Variants in GIT2 observed in about 807,000 individuals in gnomAD.
GIT2 encodes the protein ARF GTPase-activating protein GIT2.
In GIT2, 32 loss-of-function variants were observed where a neutral mutation model predicts 100.3. The observed-to-expected ratio is 0.32, with a 90% CI of 0.24 to 0.43. The LOEUF (loss-of-function observed/expected upper bound fraction) is 0.43, where lower values mean the gene tolerates loss of function less well. Among genes scored for constraint, GIT2 ranks in the 20% least tolerant of loss-of-function variants. GIT2 has a pLI of 1.00. For synonymous variants in GIT2, 353 were observed against 364.1 expected, an observed-to-expected ratio of 0.97 and a Z score of 0.35; for missense variants, 737 against 975.1, an observed-to-expected ratio of 0.76 and a Z score of 3.25.
Position 109,977,384 on chromosome 12 carries a change from A to T in GIT2, c.718+3568T>A, listed in dbSNP as rs535843176. On this transcript the variant is annotated intron_variant, in intron 7 of 19. Coordinates refer to ENST00000355312, the MANE Select transcript of GIT2 (RefSeq NM_057169.5). The stretch of plus-strand genomic sequence containing the variant: ...AAGTTATCTGGGCACAGTGGCACAC[A>T]CCTGTAGTCCCAGCTACTGTGGATG... 7.6e-4 allele frequency among the ~76,000 whole-genome samples: 115 copies of T among 152,104 alleles called. 1 individual carries two copies. The highest frequency in any genetic ancestry group is 1.2e-3 in the Non-Finnish European group (81 of 67,958).
Position 109,933,184 on chromosome 12 carries a change from T to G in GIT2, c.2074A>C (p.Lys692Gln). 1.3e-6 allele frequency: 2 copies of G among 1,548,024 alleles called. No homozygotes were observed. The highest frequency in any genetic ancestry group is 2.4e-5 in the South Asian group (2 of 84,900). ...AGGGAAGTCCTCACCATATCAGACT[T>G]GGGTTTCTAAAAGGAAAAAGACAGC... is the stretch of plus-strand genomic sequence containing the variant. ...EMAALFPKKP[K>Q]SDMVRTSLRL... The change falls in exon 20 of 20, where the codon AAG becomes CAG. Residue 692 changes from lysine to glutamine, a missense_variant. Lys to Gln is a moderately conservative substitution (Grantham distance 53). Around this residue, in one of 3 missense-constraint regions of GIT2, gnomAD observed 451 missense variants for 543.7 expected, o/e 0.83. Coordinates refer to ENST00000355312, the MANE Select transcript of GIT2 (RefSeq NM_057169.5). The surrounding 1 kb of genome is among the most constrained non-coding windows in gnomAD (Gnocchi z 4.5).
intron 16 of GIT2, chr12:109,939,485 T>C (rs1565935612): frequency 5.7e-6 from 2 of 350,090 alleles, no homozygotes; most frequent in South Asian, 2.7e-5. Context: ...ATCAGATCCT[T>C]AGTACAAACT....
At chr12:109,976,426 A>G (rs1030110392) in intron 7 of GIT2, among the ~76,000 whole-genome samples, 7 of 151,080 alleles carry the variant, frequency 4.6e-5, no homozygotes, top group African/African-American at 1.7e-4. Context: ...CTGGGACTAC[A>G]GGCGCCCACC....
chr12:109,981,338 G>T, intron 6 of GIT2: 1 of 271,042 alleles, frequency 3.7e-6, no homozygotes, highest in Non-Finnish European at 7.1e-6. Context: ...AATTTAATGA[G>T]GTAAAAAAAT....
At position 109,938,658 on chromosome 12, in the gene GIT2, T is replaced by C. The variant is rs147965763; in HGVS notation, c.1815-90A>G. 8.4e-4 allele frequency: 732 copies of C among 871,288 alleles called. 3 individuals are homozygous for C. In the African/African-American group the frequency reaches 0.011, roughly 13 times the overall value. 54.0% of individuals were successfully genotyped at this position (871,288 alleles called of 1,614,324 possible). A position where few individuals can be genotyped will look rare whatever the true frequency, so the allele number is the denominator to read the frequency against. On this transcript the variant is annotated intron_variant, in intron 17 of 19. Transcript: ENST00000355312. Reference sequence around the variant, plus strand: ...AGCCACTTTGTATGCACTGGCTAAATGCATGAGCAGGCTGGTCTCGTCATT... The same window carrying C: ...AGCCACTTTGTATGCACTGGCTAAACGCATGAGCAGGCTGGTCTCGTCATT...
At position 109,953,094 on chromosome 12, in the gene GIT2, T is replaced by A; in HGVS notation, c.1240A>T (p.Lys414Ter). Residue 414 changes from lysine (K) to a stop codon, truncating the protein, a stop_gained and splice_region_variant, in exon 13 of 20, where the codon AAG (lysine) becomes TAG (stop). Transcript: ENST00000355312. LOFTEE classifies it high-confidence loss of function. ...ETTASKTNRQ[K>*]SLDSDLSDGP... ...CCATGGGACGCATGGCCTCTCACCT[T>A]CTGCCGGTTTGTTTTGCTTGCAGTG... is the stretch of plus-strand genomic sequence containing the variant. The A allele has an allele frequency of 6.2e-7, 1 of 1,613,894 alleles. No individual in the cohort carries two copies. The highest frequency in any genetic ancestry group is 8.5e-7 in the Non-Finnish European group (1 of 1,179,802).
intron 7 of GIT2, among the ~76,000 whole-genome samples, chr12:109,977,583 G>A (rs1389200633): frequency 6.6e-6 from 1 of 151,614 alleles, no homozygotes; most frequent in Non-Finnish European, 1.5e-5. Flanking sequence ...CAGCCCTTTG[G>A]GAAGCCGAGG....
chr12:109,979,818 A>G (rs1265800194), intron 7 of GIT2, among the ~76,000 whole-genome samples: 4 of 152,192 alleles, frequency 2.6e-5, no homozygotes, highest in African/African-American at 7.2e-5. Flanking sequence ...CCCAGAACTG[A>G]AACTATACCA....
chr12:109,968,663 T>A (rs548906239), intron 7 of GIT2, among the ~76,000 whole-genome samples: 2 of 152,200 alleles, frequency 1.3e-5, no homozygotes, highest in Non-Finnish European at 1.5e-5. Flanking sequence ...CCTCAGGTGA[T>A]CTGCCTGCGT....
At chr12:109,961,471 C>G (rs1881070647) in intron 10 of GIT2, 96 bp from the exon 11 acceptor site, 1 of 950,124 alleles carries the variant, frequency 1.1e-6, no homozygotes, top group African/African-American at 1.6e-5. Flanking sequence ...GAAACACACT[C>G]TGAAGCCAAC....
chr12:109,952,475 G>T, intron 13 of GIT2: 1 of 518,802 alleles, frequency 1.9e-6, no homozygotes, highest in South Asian at 1.4e-5. Context: ...GCTCTGCACT[G>T]CCTGTGAGGC....
intron 7 of GIT2, among the ~76,000 whole-genome samples, chr12:109,975,840 C>T (rs544251342): frequency 1.1e-4 from 16 of 147,788 alleles, no homozygotes; most frequent in Admixed American, 5.5e-4. Flanking sequence ...GGCATGATCT[C>T]GGCTCACTGC....
intron 12 of GIT2, 127 bp downstream of exon 12, chr12:109,959,720 C>A: frequency 1.6e-6 from 1 of 639,804 alleles, no homozygotes; most frequent in Non-Finnish European, 2.8e-6. Context: ...AGTAAAAAAA[C>A]AAACAAAAAA....
chr12:109,939,090 T>G (rs1873858708), intron 17 of GIT2, 75 bp downstream of exon 17: 1 of 826,168 alleles, frequency 1.2e-6, no homozygotes. Flanking sequence ...GGTGAACTGC[T>G]TCTGCTGGCC....
intron 3 of GIT2, 31 bp downstream of exon 3, chr12:109,989,659 A>T (rs192446305): frequency 1.7e-6 from 2 of 1,179,926 alleles, no homozygotes; most frequent in East Asian, 4.7e-5. Context: ...TGTTATGAAG[A>T]AATAAAAGTA....
At chr12:109,944,528 A>G (rs1313477575) in intron 16 of GIT2, among the ~76,000 whole-genome samples, 1 of 152,206 alleles carries the variant, frequency 6.6e-6, no homozygotes, top group African/African-American at 2.4e-5. Context: ...TGTGCCAGCT[A>G]AGTCCTTAGG....
rs116677759 is a variant in GIT2 at position 109,963,579 on chromosome 12, G to T, written c.817-1894C>A. ...GTCACAAAGCTAGTGACAGACCTGA[G>T]ATCCAAGTTTACATCTTTGAAAATG... is the stretch of plus-strand genomic sequence containing the variant. On this transcript the variant is annotated intron_variant, in intron 9 of 19. Transcript: ENST00000355312. Among the ~76,000 whole-genome samples the T allele has an allele frequency of 4.4e-3, 677 of 152,320 alleles. 4 individuals carry two copies. Among genetic ancestry groups the T allele is most frequent in the African/African-American group, 0.016 (658 of 41,562 alleles).
upstream of GIT2, among the ~76,000 whole-genome samples, chr12:110,000,042 G>A (rs917567806): frequency 2.0e-5 from 3 of 152,216 alleles, no homozygotes; most frequent in African/African-American, 7.2e-5. Flanking sequence ...GACAGAGAAG[G>A]AAACAGGTCC....
chr12:109,953,499 A>G, intron 12 of GIT2: 1 of 336,224 alleles, frequency 3.0e-6, no homozygotes, highest in Non-Finnish European at 5.5e-6. Context: ...ACAGGCCTGT[A>G]GTCCCAGCTA....
Sources: gnomAD v4.1 joint callset for allele counts (sites outside exome capture counted in the v4.1 genomes callset) on GRCh38, gnomAD v4.1.1 for gene constraint, gnomAD v4.1.1 regional missense constraint, Gnocchi (gnomAD v3.1) non-coding constraint, MANE v1.5 for transcripts, NCBI Gene and HGNC (gene_info 2026-07-23, HGNC 2026-07-21) for gene names.